The following MALRD1 variants were observed in gnomAD, a reference collection of about 807,000 sequenced individuals.
MALRD1 encodes the protein MAM and LDL-receptor class A domain-containing protein 1.
Under a neutral mutation model 242.1 loss-of-function variants are expected in MALRD1, and 247 were observed. The ratio of observed to expected loss-of-function variants is 1.02; its 90% CI spans 0.92 to 1.13. The LOEUF (loss-of-function observed/expected upper bound fraction) is 1.13. Ranked by LOEUF, MALRD1 falls within the 50% of genes most tolerant of loss-of-function variation. The probability of loss-of-function intolerance (pLI) is 0.00; values close to 1 mark genes in which losing one functional copy is unlikely to be tolerated. For synonymous variants in MALRD1, 995 were observed against 866.6 expected (o/e 1.15, Z -2.60); for missense variants, 2,989 against 2,533.1 (o/e 1.18, Z -3.86).
chr10:19,187,406 G>T (rs1312753287), intron 14 of MALRD1, among the ~76,000 whole-genome samples: 3 of 152,102 alleles, frequency 2.0e-5, no homozygotes, highest in African/African-American at 7.2e-5. Flanking sequence ...TTGTAACAAA[G>T]ACTTGAGAAG....
At chr10:19,501,758 A>G (rs1189789854) in intron 31 of MALRD1, among the ~76,000 whole-genome samples, 2 of 152,114 alleles carry the variant, frequency 1.3e-5, no homozygotes, top group African/African-American at 4.8e-5. Context: ...AAGGCTGGGC[A>G]GGGTGGCTCA....
chr10:19,655,996 A>G (rs1841138310), intron 36 of MALRD1, among the ~76,000 whole-genome samples: 1 of 152,178 alleles, frequency 6.6e-6, no homozygotes, highest in African/African-American at 2.4e-5. Flanking sequence ...CAATATTCTC[A>G]TATATAAATT....
chr10:19,062,445 C>A (rs972158138), intron 1 of MALRD1, among the ~76,000 whole-genome samples: 1 of 152,106 alleles, frequency 6.6e-6, no homozygotes, highest in Non-Finnish European at 1.5e-5. Context: ...CCCAAGGAAA[C>A]CAAAGTAGGG....
intron 8 of MALRD1, among the ~76,000 whole-genome samples, chr10:19,129,894 T>C (rs190979754): frequency 1.7e-4 from 26 of 150,396 alleles, no homozygotes; most frequent in African/African-American, 5.6e-4. Context: ...TAGATAAATA[T>C]GGATGTCATA....
chr10:19,586,232 A>G (rs1837394633), intron 33 of MALRD1, among the ~76,000 whole-genome samples: 1 of 152,180 alleles, frequency 6.6e-6, no homozygotes, highest in African/African-American at 2.4e-5. Context: ...AGCTCGTCAA[A>G]GTCATTCTCC....
intron 36 of MALRD1, among the ~76,000 whole-genome samples, chr10:19,634,888 C>T (rs572999096): frequency 1.2e-4 from 19 of 152,270 alleles, no homozygotes; most frequent in African/African-American, 4.1e-4. Context: ...ACAAAAAGTG[C>T]TTCCAGGTTG....
intron 35 of MALRD1, among the ~76,000 whole-genome samples, chr10:19,608,557 G>A (rs1770625357): frequency 6.6e-6 from 1 of 151,812 alleles, no homozygotes; most frequent in South Asian, 2.1e-4. Flanking sequence ...ATCATTAAAG[G>A]TAATATAATT....
intron 19 of MALRD1, among the ~76,000 whole-genome samples, chr10:19,275,594 G>A (rs189137493): frequency 4.1e-4 from 62 of 152,240 alleles, no homozygotes; most frequent in African/African-American, 1.4e-3. Flanking sequence ...GTGTGAACCC[G>A]GGAGGCGGAG....
chr10:19,390,591 G>T (rs560963655), intron 28 of MALRD1, among the ~76,000 whole-genome samples: 1 of 152,164 alleles, frequency 6.6e-6, no homozygotes, highest in Non-Finnish European at 1.5e-5. Flanking sequence ...TGCACGTGCA[G>T]GTATGTGTGT....
At chr10:19,400,384 T>C (rs1224144479) in intron 28 of MALRD1, among the ~76,000 whole-genome samples, 1 of 152,178 alleles carries the variant, frequency 6.6e-6, no homozygotes. Context: ...TATGATTAAG[T>C]CTTTGTCTCC....
chr10:19,329,233 A>G (rs1023994400), intron 23 of MALRD1, among the ~76,000 whole-genome samples: 2 of 152,228 alleles, frequency 1.3e-5, no homozygotes, highest in Admixed American at 1.3e-4. Context: ...GCTATGCACC[A>G]TGCACGAGAG....
chr10:19,588,189 T>C (rs1837547226), intron 33 of MALRD1, among the ~76,000 whole-genome samples: 1 of 152,204 alleles, frequency 6.6e-6, no homozygotes, highest in South Asian at 2.1e-4. Context: ...ATATTGTTGA[T>C]CTATGCTTTT....
chr10:19,338,760 A>G (rs965153457), intron 24 of MALRD1, among the ~76,000 whole-genome samples: 14 of 145,898 alleles, frequency 9.6e-5, no homozygotes, highest in African/African-American at 3.3e-4. Flanking sequence ...CAATTCAATT[A>G]TACTCTTTAA....
At chr10:19,388,895 A>AG (rs1319850424) in intron 27 of MALRD1, among the ~76,000 whole-genome samples, 45 of 151,552 alleles carry the variant, frequency 3.0e-4, no homozygotes, top group Admixed American at 3.9e-4. Flanking sequence ...AAAAAAAAAA[A>AG]AAAAGAAAAA....
intron 18 of MALRD1, among the ~76,000 whole-genome samples, chr10:19,239,207 C>T (rs11594309): frequency 0.13 from 19,909 of 151,844 alleles, 1,656 homozygotes; most frequent in Admixed American, 0.27. Flanking sequence ...TACAGGCACA[C>T]GCCATCATGT....
intron 36 of MALRD1, among the ~76,000 whole-genome samples, chr10:19,644,278 G>A (rs1424588421): frequency 6.6e-6 from 1 of 152,160 alleles, no homozygotes; most frequent in Admixed American, 6.5e-5. Context: ...CTAACTACAG[G>A]AACCAGAAAT....
rs374008949 is a variant in MALRD1 at position 19,687,071 on chromosome 10, C to T, written c.6138-5211C>T. Among the ~76,000 whole-genome samples the T allele has an allele frequency of 1.6e-4, 24 of 150,948 alleles. 1 individual carries two copies. Among genetic ancestry groups the T allele is most frequent in the African/African-American group, 5.3e-4 (22 of 41,180 alleles). ...TTAATTGTTAATTTTATGAGTAAAA[C>T]TGATTCTAATAATTTCCTATAATAA... On this transcript the variant is annotated intron_variant, in intron 36 of 39. Coordinates refer to ENST00000454679, the MANE Select transcript of MALRD1 (RefSeq NM_001142308.3).
chr10:19,175,526 C>T (rs1835195351), intron 14 of MALRD1, among the ~76,000 whole-genome samples, 198 bp downstream of exon 14: 2 of 147,940 alleles, frequency 1.4e-5, no homozygotes, highest in Non-Finnish European at 3.0e-5. Context: ...GCCTCTCTTC[C>T]AGTAATATGG....
chr10:19,235,169 C>A (rs995518471), intron 18 of MALRD1, among the ~76,000 whole-genome samples: 3 of 152,098 alleles, frequency 2.0e-5, no homozygotes, highest in Non-Finnish European at 4.4e-5. Context: ...CTGATCAGAA[C>A]AGTCCTTTAG....
Sources: allele counts gnomAD v4.1 joint callset (sites outside exome capture counted in the v4.1 genomes callset), GRCh38; gene constraint gnomAD v4.1.1; transcripts MANE v1.5; gene names NCBI Gene and HGNC (gene_info 2026-07-23, HGNC 2026-07-21).